The following KLHL5 variants were observed in gnomAD, a reference collection of about 807,000 sequenced individuals.
The protein encoded by KLHL5 is kelch-like protein 5.
A neutral mutation model predicts 77.7 loss-of-function variants in KLHL5; 48 were observed. The ratio of observed to expected loss-of-function variants is 0.62; its 90% CI spans 0.49 to 0.79. The LOEUF (loss-of-function observed/expected upper bound fraction) is 0.79. Ranked by LOEUF, KLHL5 falls within the 30% of genes least tolerant of loss-of-function variation. KLHL5 has a pLI of 0.00. For synonymous variants in KLHL5, 260 were observed against 297.0 expected (o/e 0.88, Z 1.28); for missense variants, 723 against 859.7 (o/e 0.84, Z 1.99).
At chr4:39,137,170 T>A in the KLHL5 span, among the ~76,000 whole-genome samples, 1 of 123,360 alleles carries the variant, frequency 8.1e-6, no homozygotes, top group Admixed American at 8.9e-5. Flanking sequence ...AATAAATACA[T>A]ATGCAAATAT....
chr4:39,110,397 A>C (rs1011567877), intron 8 of KLHL5, among the ~76,000 whole-genome samples: 1 of 151,746 alleles, frequency 6.6e-6, no homozygotes, highest in African/African-American at 2.4e-5. Flanking sequence ...TAAATTGCCC[A>C]GTTTGAAAGT....
chr4:39,067,192 C>G (rs1172380873), intron 1 of KLHL5, among the ~76,000 whole-genome samples: 1 of 152,196 alleles, frequency 6.6e-6, no homozygotes, highest in Non-Finnish European at 1.5e-5. Flanking sequence ...TTAGCCTCCT[C>G]TTGGCTGTGA....
chr4:39,069,058 T>C (rs1363379160), intron 1 of KLHL5, among the ~76,000 whole-genome samples: 4 of 152,200 alleles, frequency 2.6e-5, no homozygotes, highest in Non-Finnish European at 4.4e-5. Flanking sequence ...GTTCCTGTTA[T>C]ATTGTTTCTC....
At chr4:39,045,024 C>T (rs1196050121), upstream of KLHL5, 2 of 993,574 alleles carry the variant, frequency 2.0e-6, no homozygotes, top group Admixed American at 6.1e-5. Context: ...GCCCCGGCCC[C>T]CGCCTCCCCC....
the KLHL5 span, among the ~76,000 whole-genome samples, chr4:39,139,483 G>A: frequency 1.8e-4 from 28 of 151,936 alleles, no homozygotes; most frequent in African/African-American, 4.4e-4. Flanking sequence ...GTCATTATGC[G>A]TTTGTCCAAA....
upstream of KLHL5, among the ~76,000 whole-genome samples, chr4:39,060,145 T>C (rs1053758938): frequency 6.6e-6 from 1 of 152,148 alleles, no homozygotes; most frequent in African/African-American, 2.4e-5. Flanking sequence ...TCCATGTATA[T>C]ATAAAATTAG....
At chr4:39,126,627 C>G, downstream of KLHL5, 1 of 417,746 alleles carries the variant, frequency 2.4e-6, no homozygotes, top group South Asian at 1.7e-5. Context: ...GGATCTTTGC[C>G]CAGGTTCAAG....
chr4:39,092,661 T>G (rs1009680739), intron 5 of KLHL5, among the ~76,000 whole-genome samples: 5 of 151,992 alleles, frequency 3.3e-5, no homozygotes, highest in Non-Finnish European at 7.4e-5. Flanking sequence ...AGGTCTTAAT[T>G]TGGCTTTTTT....
intron 5 of KLHL5, among the ~76,000 whole-genome samples, chr4:39,090,327 T>C (rs1720411829): frequency 6.6e-6 from 1 of 152,188 alleles, no homozygotes; most frequent in Non-Finnish European, 1.5e-5. Context: ...TTACCCTAGC[T>C]AGAAGGGATT....
At chr4:39,140,864 C>T in the KLHL5 span, among the ~76,000 whole-genome samples, 1 of 152,118 alleles carries the variant, frequency 6.6e-6, no homozygotes, top group African/African-American at 2.4e-5. Flanking sequence ...ATTCTATTTT[C>T]CATTTGTTCC....
chr4:39,134,339 C>G, the KLHL5 span, among the ~76,000 whole-genome samples: 2 of 152,194 alleles, frequency 1.3e-5, no homozygotes, highest in African/African-American at 4.8e-5. Context: ...GTGACAGACA[C>G]TGTACTAAGT....
Position 39,121,980 on chromosome 4 carries a change from T to C in KLHL5, c.*914T>C, listed in dbSNP as rs1723234495. The stretch of plus-strand genomic sequence containing the variant: ...TCTGCCTCCCCTGCCTTATTTCTTA[T>C]GTTTTGCCACAGTTAACCCATTGTG... On this transcript the variant is annotated 3_prime_UTR_variant, in exon 11 of 11. Transcript: ENST00000504108. 1 of 152,676 alleles carries C rather than the reference T, an allele frequency of 6.5e-6. No homozygotes were observed. The allele number at this position is 152,676 out of a possible 1,614,324, so 9.5% of individuals were successfully genotyped here.
rs1719570010 is a variant in KLHL5 at position 39,081,059 on chromosome 4, C to T, written c.567-44C>T. The stretch of plus-strand genomic sequence containing the variant: ...AGCAGCATTTATTAATGAACATCAA[C>T]TCGAATGTGGTCATTGATTTTTTTT... On this transcript the variant is annotated intron_variant, in intron 2 of 10. Coordinates refer to ENST00000504108, the MANE Select transcript of KLHL5 (RefSeq NM_015990.5). The surrounding 1 kb of genome is among the most constrained non-coding windows in gnomAD (Gnocchi z 4.3). 1.9e-6 allele frequency: 3 copies of T among 1,562,804 alleles called. No homozygotes were observed. Among genetic ancestry groups the T allele is most frequent in the African/African-American group, 1.4e-5 (1 of 72,662 alleles).
intron 6 of KLHL5, among the ~76,000 whole-genome samples, chr4:39,099,820 A>C (rs1160933292): frequency 6.6e-6 from 1 of 152,226 alleles, no homozygotes; most frequent in East Asian, 1.9e-4. Context: ...TACAGAAATA[A>C]ATAACTTAAG....
chr4:39,079,698 GT>G (rs1260639292), intron 2 of KLHL5, among the ~76,000 whole-genome samples: 1 of 151,794 alleles, frequency 6.6e-6, no homozygotes, highest in Non-Finnish European at 1.5e-5. Flanking sequence ...ACTGATCATT[GT>G]CTCCCTACCC....
At chr4:39,045,241 G>C (rs925251558) in intron 1 of KLHL5, 115 of 897,326 alleles carry the variant, frequency 1.3e-4, no homozygotes, top group Non-Finnish European at 1.5e-4. Context: ...AGGCGGCTGC[G>C]AGGCCCTCGG....
intron 2 of KLHL5, among the ~76,000 whole-genome samples, chr4:39,079,493 C>T (rs1719410004): frequency 6.6e-6 from 1 of 152,158 alleles, no homozygotes. Context: ...TGGAATTTTG[C>T]ACTATTTCTT....
intron 2 of KLHL5, among the ~76,000 whole-genome samples, chr4:39,076,790 G>A (rs1719092626): frequency 7.5e-6 from 1 of 133,270 alleles, no homozygotes; most frequent in African/African-American, 2.8e-5. Flanking sequence ...TTGACACTGT[G>A]TCCCAAAGGT....
chr4:39,076,261 C>T, intron 2 of KLHL5, 114 bp downstream of exon 2: 1 of 859,892 alleles, frequency 1.2e-6, no homozygotes, highest in South Asian at 1.7e-5. Context: ...GGGTGTAGTT[C>T]ATGGAATTTC....
Sources: allele counts gnomAD v4.1 joint callset (sites outside exome capture counted in the v4.1 genomes callset), GRCh38; gene constraint gnomAD v4.1.1; non-coding constraint Gnocchi (gnomAD v3.1); transcripts MANE v1.5; gene names NCBI Gene and HGNC (gene_info 2026-07-23, HGNC 2026-07-21).